LRP2: variants seen among roughly 807,000 people sequenced by gnomAD.
LRP2 encodes low-density lipoprotein receptor-related protein 2.
A neutral mutation model predicts 531.0 loss-of-function variants in LRP2; 172 were observed. That is an observed-to-expected ratio of 0.32 (90% CI 0.29 to 0.37). The LOEUF is 0.37. LRP2 is among the 10% of genes least tolerant of loss of function. The pLI, the probability that LRP2 is intolerant of heterozygous loss-of-function variation, is 1.00. For synonymous variants in LRP2, 1,992 were observed against 2,027.6 expected, an observed-to-expected ratio of 0.98 and a Z score of 0.47; for missense variants, 5,167 against 5,868.3, an observed-to-expected ratio of 0.88 and a Z score of 3.90.
intron 74 of LRP2, 30 bp from the exon 75 acceptor site, chr2:169,138,736 G>T (rs779312346): frequency 6.2e-7 from 1 of 1,612,988 alleles, no homozygotes; most frequent in Non-Finnish European, 8.5e-7. Context: ...ACAGTGTCTT[G>T]TTATTTAAAA....
intron 1 of LRP2, among the ~76,000 whole-genome samples, chr2:169,327,439 G>A (rs1239112404): frequency 9.5e-5 from 12 of 126,814 alleles, no homozygotes; most frequent in Non-Finnish European, 1.5e-4. Flanking sequence ...AGGGAGGTGG[G>A]GGGATCAGCA....
At position 169,231,745 on chromosome 2, in the gene LRP2, A is replaced by T; in HGVS notation, c.5196T>A (p.Ser1732Arg). 3.1e-6 allele frequency: 5 copies of T among 1,614,034 alleles called. No homozygotes were observed. Among genetic ancestry groups the T allele is most frequent in the Non-Finnish European group, 4.2e-6 (5 of 1,179,946 alleles). Residue 1732 changes from serine (S) to arginine (R), a missense_variant, in exon 31 of 79, where the codon AGT becomes AGA. Ser to Arg is a moderately radical substitution (Grantham distance 110, BLOSUM62 -1). Transcript: ENST00000649046. ...FYSCVCPSGW[S>R]LSPDLLNCLR... ...AGCAATTCAGGAGATCAGGAGACAGACTCCATCCTGAAGGACAAACACAGG... is the reference window on the plus strand; with the variant it reads ...AGCAATTCAGGAGATCAGGAGACAGTCTCCATCCTGAAGGACAAACACAGG...
intron 16 of LRP2, among the ~76,000 whole-genome samples, chr2:169,266,717 T>A (rs1179662785): frequency 6.6e-6 from 1 of 151,998 alleles, no homozygotes; most frequent in Non-Finnish European, 1.5e-5. Context: ...CCCTTGGCAT[T>A]TACATAGTCC....
intron 1 of LRP2, among the ~76,000 whole-genome samples, chr2:169,323,273 C>T (rs1048097220): frequency 4.6e-5 from 7 of 152,120 alleles, no homozygotes; most frequent in South Asian, 2.1e-4. Flanking sequence ...GTAGTAACTT[C>T]GATGCCTGTT....
rs190983925 is a variant in LRP2 at position 169,261,847 on chromosome 2, A to G, written c.2321-2630T>C. On this transcript the variant is annotated intron_variant, in intron 16 of 78. Transcript: ENST00000649046. ...GAACATTGATGCAAAGATCCTCAAT[A>G]AAATACTGGCAAACCGAATCCAGCA... Among the ~76,000 whole-genome samples the G allele has an allele frequency of 1.5e-3, 232 of 152,190 alleles. 1 individual carries two copies. The highest frequency in any genetic ancestry group is 5.4e-3 in the African/African-American group (225 of 41,532).
chr2:169,267,948 C>T (rs1559048399), intron 16 of LRP2, among the ~76,000 whole-genome samples: 1 of 152,144 alleles, frequency 6.6e-6, no homozygotes, highest in Non-Finnish European at 1.5e-5. Context: ...CAAAGAAATA[C>T]AAACTACCAT....
At chr2:169,340,595 T>A (rs1202551146) in intron 1 of LRP2, among the ~76,000 whole-genome samples, 1 of 152,086 alleles carries the variant, frequency 6.6e-6, no homozygotes, top group Non-Finnish European at 1.5e-5. Context: ...CTACCTGGCA[T>A]AGAGAAAGGA....
chr2:169,254,649 A>AAAAAAAAAAAAAAAAAAAAAC, intron 19 of LRP2, among the ~76,000 whole-genome samples: 1 of 113,258 alleles, frequency 8.8e-6, no homozygotes, highest in African/African-American at 3.8e-5. Context: ...ATAATAAAAA[A>AAAAAAAAAAAAAAAAAAAAAC]AAAAAAAAAC....
In LRP2 at chr2:169,150,982, G is replaced by A. The variant is rs1686097345; in HGVS notation, c.12506C>T (p.Ala4169Val). ...CTTTCTGTACCTTCCATCAAGTTTAGCCACCTCAATGCGTTTATTCTTGAC... is the reference window on the plus strand; with the variant it reads ...CTTTCTGTACCTTCCATCAAGTTTAACCACCTCAATGCGTTTATTCTTGAC... ...SDVKNKRIEV[A>V]KLDGRYRKWL... The change falls in exon 68 of 79, where the codon GCT (alanine) becomes GTT (valine). Residue 4169 changes from alanine to valine, a missense_variant. By Grantham distance (64) the Ala-to-Val change is moderately conservative. This residue lies in a region of LRP2 where 564 missense variants were observed against 747.7 expected (regional missense o/e 0.75). Transcript: ENST00000649046. The A allele has an allele frequency of 6.2e-7, 1 of 1,614,018 alleles. No individual in the cohort carries two copies. Among genetic ancestry groups the A allele is most frequent in the Non-Finnish European group, 8.5e-7 (1 of 1,179,914 alleles).
intron 70 of LRP2, among the ~76,000 whole-genome samples, chr2:169,143,965 T>C (rs189744557): frequency 4.6e-4 from 70 of 152,320 alleles, no homozygotes; most frequent in Admixed American, 1.4e-3. Flanking sequence ...TCATTACCAT[T>C]TCGTCGGCCC....
intron 33 of LRP2, among the ~76,000 whole-genome samples, chr2:169,223,361 T>C (rs1480634674): frequency 6.6e-6 from 1 of 152,154 alleles, no homozygotes; most frequent in Non-Finnish European, 1.5e-5. Context: ...TGGAAAACTA[T>C]CAGTTTAAAA....
chr2:169,340,230 C>T (rs1685528390), intron 1 of LRP2, among the ~76,000 whole-genome samples: 2 of 152,130 alleles, frequency 1.3e-5, no homozygotes, highest in African/African-American at 4.8e-5. Context: ...GTTTTCTCAT[C>T]ATTCTTGTTT....
At chr2:169,203,105 A>G in intron 42 of LRP2, 146 bp from the exon 43 acceptor site, 1 of 704,620 alleles carries the variant, frequency 1.4e-6, no homozygotes, top group Non-Finnish European at 2.5e-6. Flanking sequence ...CCTTTTAACT[A>G]TATTCTGAGT....
chr2:169,246,574 T>C (rs1343930497), intron 21 of LRP2, 131 bp downstream of exon 21: 8 of 1,096,848 alleles, frequency 7.3e-6, no homozygotes, highest in Non-Finnish European at 1.1e-5. Flanking sequence ...GCCTTCAAAG[T>C]GCATGTTAAG....
At chr2:169,305,333 T>C (rs1014755141) in intron 4 of LRP2, among the ~76,000 whole-genome samples, 1 of 152,204 alleles carries the variant, frequency 6.6e-6, no homozygotes, top group African/African-American at 2.4e-5. Flanking sequence ...GTTTGAAATG[T>C]ACAGTGACTA....
At chr2:169,183,249 A>G (rs954239320) in intron 50 of LRP2, among the ~76,000 whole-genome samples, 1 of 152,248 alleles carries the variant, frequency 6.6e-6, no homozygotes, top group Admixed American at 6.5e-5. Flanking sequence ...ATATCTGAAT[A>G]GTTAGGACAG....
chr2:169,209,477 C>T lies in LRP2; in HGVS notation c.6445G>A (p.Gly2149Ser). Residue 2149 changes from glycine to serine, a missense_variant, in exon 38 of 79, where the codon GGT becomes AGT. Around this residue, in one of 6 missense-constraint regions of LRP2, gnomAD observed 2,811 missense variants for 3,058.0 expected, o/e 0.92. Coordinates refer to ENST00000649046, the MANE Select transcript of LRP2 (RefSeq NM_004525.3). ...THGIGENGVRGIAVDWVAGNL... is the reference protein window; with the variant it reads ...THGIGENGVRSIAVDWVAGNL... ...CCTGCTACCCAATCCACTGCAATAC[C>T]CCGGACTCCATTTTCTCCTATTCCA... 1 of 1,613,990 alleles carries T rather than the reference C, an allele frequency of 6.2e-7. No homozygotes were observed. Among genetic ancestry groups the T allele is most frequent in the Non-Finnish European group, 8.5e-7 (1 of 1,179,956 alleles).
intron 9 of LRP2, among the ~76,000 whole-genome samples, chr2:169,284,804 A>G (rs1683808069): frequency 6.6e-6 from 1 of 152,162 alleles, no homozygotes; most frequent in Non-Finnish European, 1.5e-5. Context: ...TCAGCAGGAA[A>G]AAAAGTACAG....
chr2:169,338,389 A>G (rs147932912), intron 1 of LRP2, among the ~76,000 whole-genome samples: 50 of 127,920 alleles, frequency 3.9e-4, no homozygotes, highest in African/African-American at 1.5e-3. Context: ...AGAAAGAAAG[A>G]AAGAAAGAAA....
Sources: allele counts gnomAD v4.1 joint callset (sites outside exome capture counted in the v4.1 genomes callset), GRCh38; gene constraint gnomAD v4.1.1; regional missense constraint gnomAD v4.1.1; transcripts MANE v1.5; gene names NCBI Gene and HGNC (gene_info 2026-07-23, HGNC 2026-07-21).